The following LAMC2 variants were observed in gnomAD, a reference collection of about 807,000 sequenced individuals.
The protein encoded by LAMC2 is laminin subunit gamma 2, also known as laminin subunit gamma-2.
LAMC2 carries 97 observed loss-of-function variants against 140.2 expected under a neutral mutation model. The ratio of observed to expected loss-of-function variants is 0.69; its 90% CI spans 0.59 to 0.82. The LOEUF (loss-of-function observed/expected upper bound fraction) is 0.82, where lower values mean the gene tolerates loss of function less well. Ranked by LOEUF, LAMC2 falls within the 40% of genes least tolerant of loss-of-function variation. The pLI, the probability that LAMC2 is intolerant of heterozygous loss-of-function variation, is 0.00. For synonymous variants in LAMC2, 513 were observed against 540.2 expected, an observed-to-expected ratio of 0.95 and a Z score of 0.70; for missense variants, 1,402 against 1,476.1, an observed-to-expected ratio of 0.95 and a Z score of 0.82.
At chr1:183,254,678 C>A in the LAMC2 span, among the ~76,000 whole-genome samples, 4 of 152,324 alleles carry the variant, frequency 2.6e-5, no homozygotes, top group East Asian at 7.7e-4. Context: ...CTCAGGCAAT[C>A]TTTCCACCTC....
intron 1 of LAMC2, among the ~76,000 whole-genome samples, chr1:183,190,990 A>C (rs558826010): frequency 2.0e-4 from 30 of 152,290 alleles, no homozygotes; most frequent in African/African-American, 6.7e-4. Flanking sequence ...TATATGCAAC[A>C]CCTTTCAGCA....
chr1:183,224,845 G>T (rs1472766912), intron 7 of LAMC2, among the ~76,000 whole-genome samples: 2 of 152,114 alleles, frequency 1.3e-5, no homozygotes, highest in African/African-American at 4.8e-5. Flanking sequence ...GTTTTTCCAT[G>T]GTACTCTGTG....
intron 1 of LAMC2, among the ~76,000 whole-genome samples, chr1:183,200,497 T>A (rs1208023838): frequency 2.0e-5 from 3 of 152,180 alleles, no homozygotes; most frequent in Non-Finnish European, 4.4e-5. Flanking sequence ...GGGCACTGTT[T>A]CTTATGGGAA....
the LAMC2 span, among the ~76,000 whole-genome samples, chr1:183,257,060 G>A: frequency 2.3e-3 from 355 of 152,152 alleles, 3 homozygotes; most frequent in Middle Eastern, 0.017. Context: ...CCTCTTTGGT[G>A]TCTTTATCTG....
At position 183,243,203 on chromosome 1, in the gene LAMC2, C is replaced by T. The variant is rs201307156; in HGVS notation, c.3385C>T (p.Arg1129Ter). 14 of 1,613,952 alleles carry T rather than the reference C, an allele frequency of 8.7e-6. No homozygotes were observed. The highest frequency in any genetic ancestry group is 2.2e-5 in the East Asian group (1 of 44,880). The change falls in exon 23 of 23, where the codon CGA (arginine) becomes TGA (stop). Residue 1129 changes from arginine (R) to a stop codon, truncating the protein, a stop_gained. Transcript: ENST00000264144. LOFTEE classifies it high-confidence loss of function. ...GLVLLEQKLSRAKTQINSQLR... is the reference protein window; with the variant it reads ...GLVLLEQKLS ...GGTCTTACTGGAGCAGAAGCTTTCC[C>T]GAGCCAAGACCCAGATCAACAGCCA... is the stretch of plus-strand genomic sequence containing the variant.
chr1:183,257,516 T>C, the LAMC2 span, among the ~76,000 whole-genome samples: 11,408 of 152,214 alleles, frequency 0.075, 955 homozygotes, highest in African/African-American at 0.2. Context: ...GGTCCTGGGC[T>C]TTTCTTTGTT....
In LAMC2 at chr1:183,228,482, G is replaced by A. The variant is rs761127417; in HGVS notation, c.1577G>A (p.Ser526Asn). Residue 526 changes from serine (S) to asparagine (N), a missense_variant, in exon 11 of 23, where the codon AGT becomes AAT. This residue lies in a region of LAMC2 where 723 missense variants were observed against 783.3 expected (regional missense o/e 0.92). Coordinates refer to ENST00000264144, the MANE Select transcript of LAMC2 (RefSeq NM_005562.3). The surrounding 1 kb of genome is among the most constrained non-coding windows in gnomAD (Gnocchi z 4.3). ...CAATGCAACAACAATGTGGACCCCA[G>A]TGCCTCTGGGAATTGTGACCGGCTG... is the stretch of plus-strand genomic sequence containing the variant. ...PCQCNNNVDP[S>N]ASGNCDRLTG... is the part of the protein sequence containing the mutation. 6.2e-7 allele frequency: 1 copy of A among 1,614,012 alleles called. No homozygotes were observed. Among genetic ancestry groups the A allele is most frequent in the Non-Finnish European group, 8.5e-7 (1 of 1,180,020 alleles).
At chr1:183,200,250 C>A (rs1267788972) in intron 1 of LAMC2, among the ~76,000 whole-genome samples, 3 of 151,998 alleles carry the variant, frequency 2.0e-5, no homozygotes, top group Non-Finnish European at 1.5e-5. Context: ...ATCAGCCGGG[C>A]ATGGTGGTGG....
intron 1 of LAMC2, among the ~76,000 whole-genome samples, chr1:183,195,951 A>G (rs1658499681): frequency 6.6e-6 from 1 of 152,170 alleles, no homozygotes; most frequent in Non-Finnish European, 1.5e-5. Context: ...TGTAAATATA[A>G]TATAATAAAA....
intron 15 of LAMC2, 46 bp from the exon 16 acceptor site, chr1:183,235,529 G>A (rs1659927278): frequency 6.2e-7 from 1 of 1,610,226 alleles, no homozygotes; most frequent in Non-Finnish European, 8.5e-7. Flanking sequence ...CCTAAAGGAA[G>A]CCCTTTGCGT....
At chr1:183,239,730 G>A in intron 20 of LAMC2, 167 bp downstream of exon 20, 1 of 668,024 alleles carries the variant, frequency 1.5e-6, no homozygotes, top group Non-Finnish European at 2.6e-6. Flanking sequence ...GCATGACAGA[G>A]AATGATGTGT....
intron 14 of LAMC2, 39 bp downstream of exon 14, chr1:183,232,896 G>A: frequency 6.3e-7 from 1 of 1,582,362 alleles, no homozygotes; most frequent in South Asian, 1.1e-5. Context: ...GAATACTGCT[G>A]TGTTGGGAGA....
intron 4 of LAMC2, among the ~76,000 whole-genome samples, chr1:183,219,309 G>A (rs1431531370): frequency 6.6e-6 from 1 of 152,238 alleles, no homozygotes; most frequent in African/African-American, 2.4e-5. Context: ...TGAGGTGAAG[G>A]CAGGGACATA....
chr1:183,243,345 T>C lies in LAMC2; in HGVS notation c.3527T>C (p.Ile1176Thr). The change falls in exon 23 of 23, where the codon ATT (isoleucine) becomes ACT (threonine). Residue 1176 changes from isoleucine to threonine, a missense_variant. Transcript: ENST00000264144. ...GCTGATGTGAAGAACTTGGAGAACA[T>C]TAGGGACAACCTGCCCCCAGGCTGC... ...ILADVKNLEN[I>T]RDNLPPGCYN... 6.2e-7 allele frequency: 1 copy of C among 1,614,150 alleles called. No individual in the cohort carries two copies. Among genetic ancestry groups the C allele is most frequent in the Non-Finnish European group, 8.5e-7 (1 of 1,180,024 alleles).
chr1:183,186,291 A>C lies in LAMC2; in HGVS notation c.-62A>C, dbSNP rs897430834. 185 of 1,540,972 alleles carry C rather than the reference A, an allele frequency of 1.2e-4. No homozygotes were observed. The highest frequency in any genetic ancestry group is 1.6e-4 in the Non-Finnish European group (184 of 1,148,596). On this transcript the variant is annotated 5_prime_UTR_variant, in exon 1 of 23. Transcript: ENST00000264144. ...AGCGGAGCGCAGAGTGAGAACCACC[A>C]ACCGAGGCGCCGGGCAGCGACCCCT...
At chr1:183,213,095 C>T (rs955072264) in intron 2 of LAMC2, among the ~76,000 whole-genome samples, 7 of 152,240 alleles carry the variant, frequency 4.6e-5, no homozygotes, top group African/African-American at 1.7e-4. Context: ...TTGTCACTGC[C>T]TGCCTAAACC....
At chr1:183,253,905 G>A in the LAMC2 span, among the ~76,000 whole-genome samples, 17 of 28,942 alleles carry the variant, frequency 5.9e-4, 1 homozygote, top group East Asian at 0.096. Context: ...TTCCACTTCC[G>A]TGTGTGTGTG....
intron 1 of LAMC2, among the ~76,000 whole-genome samples, chr1:183,194,173 G>C (rs1184122956): frequency 1.3e-5 from 2 of 151,224 alleles, no homozygotes; most frequent in African/African-American, 4.9e-5. Context: ...GCCCACCTTG[G>C]CCTCCCAAAG....
chr1:183,197,430 T>C (rs1297934294), intron 1 of LAMC2, among the ~76,000 whole-genome samples: 1 of 152,040 alleles, frequency 6.6e-6, no homozygotes, highest in Admixed American at 6.5e-5. Flanking sequence ...ATCCCAACAC[T>C]TTGGGACGGT....
Sources: gnomAD v4.1 joint callset for allele counts (sites outside exome capture counted in the v4.1 genomes callset) on GRCh38, gnomAD v4.1.1 for gene constraint, gnomAD v4.1.1 regional missense constraint, Gnocchi (gnomAD v3.1) non-coding constraint, MANE v1.5 for transcripts, NCBI Gene and HGNC (gene_info 2026-07-23, HGNC 2026-07-21) for gene names.